LRRTM4: variants seen among roughly 807,000 people sequenced by gnomAD.
LRRTM4 encodes leucine-rich repeat transmembrane neuronal protein 4.
LRRTM4 carries 25 observed loss-of-function variants against 47.6 expected under a neutral mutation model. The observed-to-expected ratio is 0.53, with a 90% CI of 0.38 to 0.73. LRRTM4 has a LOEUF of 0.73. LRRTM4 is among the 30% of genes least tolerant of loss of function. The pLI is 0.00. For synonymous variants in LRRTM4, 311 were observed against 269.5 expected (o/e 1.15, Z -1.51); for missense variants, 638 against 713.4 (o/e 0.89, Z 1.20).
At chr2:76,824,330 A>C (rs1300761394) in intron 3 of LRRTM4, among the ~76,000 whole-genome samples, 3 of 151,586 alleles carry the variant, frequency 2.0e-5, no homozygotes, top group Non-Finnish European at 3.0e-5. Flanking sequence ...TCATAAATGC[A>C]TGAATGGAAT....
chr2:76,792,216 C>T (rs1334201550), intron 3 of LRRTM4, among the ~76,000 whole-genome samples: 1 of 151,968 alleles, frequency 6.6e-6, no homozygotes, highest in Non-Finnish European at 1.5e-5. Flanking sequence ...AATTATGTTT[C>T]AGAATTTAAA....
chr2:77,131,302 C>A (rs947635634), intron 3 of LRRTM4, among the ~76,000 whole-genome samples: 1 of 152,238 alleles, frequency 6.6e-6, no homozygotes, highest in East Asian at 1.9e-4. Flanking sequence ...AGACGAGAGA[C>A]TAAACAAAGG....
At chr2:77,171,966 G>A (rs756655366) in intron 3 of LRRTM4, among the ~76,000 whole-genome samples, 2 of 152,108 alleles carry the variant, frequency 1.3e-5, no homozygotes, top group Non-Finnish European at 2.9e-5. Context: ...TGAATCATAT[G>A]TACTCACATA....
intron 3 of LRRTM4, among the ~76,000 whole-genome samples, chr2:76,934,321 A>T (rs1674869231): frequency 6.6e-6 from 1 of 152,206 alleles, no homozygotes; most frequent in South Asian, 2.1e-4. Context: ...GACATGGAGT[A>T]ACTGTGTTAA....
intron 3 of LRRTM4, among the ~76,000 whole-genome samples, chr2:77,174,595 G>T (rs1673140154): frequency 6.6e-6 from 1 of 152,102 alleles, no homozygotes; most frequent in Non-Finnish European, 1.5e-5. Context: ...CTGCTGGAGG[G>T]CCCTTTAAGA....
Position 77,398,458 on chromosome 2 carries a change from T to C in LRRTM4, c.1551+119860A>G, listed in dbSNP as rs1008560761. On this transcript the variant is annotated intron_variant, in intron 3 of 3. Transcript: ENST00000409884. ...CACATACTTTTTTTTCAGATAAATA[T>C]ATGAATATCTACAATATAGGAGACA... Among the ~76,000 whole-genome samples the C allele has an allele frequency of 2.6e-5, 4 of 151,786 alleles. No homozygotes were observed. The South Asian group carries it at 6.2e-4, about 24-fold the overall frequency.
chr2:76,863,071 C>T (rs115448800), intron 3 of LRRTM4, among the ~76,000 whole-genome samples: 1,600 of 152,280 alleles, frequency 0.011, 26 homozygotes, highest in African/African-American at 0.037. Flanking sequence ...ACACGTCTGA[C>T]ATTGAAGACA....
chr2:77,447,875 A>C (rs1005648855), intron 3 of LRRTM4, among the ~76,000 whole-genome samples: 1 of 152,120 alleles, frequency 6.6e-6, no homozygotes, highest in Non-Finnish European at 1.5e-5. Context: ...GATTTAGCTC[A>C]CTGTTTCCAC....
At chr2:77,188,650 T>C (rs1257822318) in intron 3 of LRRTM4, among the ~76,000 whole-genome samples, 2 of 152,166 alleles carry the variant, frequency 1.3e-5, no homozygotes, top group African/African-American at 2.4e-5. Context: ...ACTTGAAGGA[T>C]GGCCCCCATC....
intron 3 of LRRTM4, among the ~76,000 whole-genome samples, chr2:76,876,589 A>C (rs1474052666): frequency 6.6e-6 from 1 of 152,006 alleles, no homozygotes; most frequent in Admixed American, 6.6e-5. Flanking sequence ...CCTTGGGTCT[A>C]TTTTGTTAAC....
intron 3 of LRRTM4, among the ~76,000 whole-genome samples, chr2:76,959,517 G>C (rs1675782544): frequency 6.6e-6 from 1 of 151,474 alleles, no homozygotes; most frequent in African/African-American, 2.4e-5. Flanking sequence ...TGTTCCATTA[G>C]ACATTCCTGT....
intron 3 of LRRTM4, among the ~76,000 whole-genome samples, chr2:77,050,953 C>G (rs1679411877): frequency 1.3e-5 from 2 of 151,952 alleles, no homozygotes; most frequent in Admixed American, 6.6e-5. Context: ...CTTATATTCT[C>G]AGATGATTTT....
At chr2:77,142,438 C>A (rs202125614) in intron 3 of LRRTM4, among the ~76,000 whole-genome samples, 1 of 144,520 alleles carries the variant, frequency 6.9e-6, no homozygotes, top group African/African-American at 2.7e-5. Flanking sequence ...CATACACACA[C>A]ACACACACAC....
chr2:77,384,048 A>G (rs946808202), intron 3 of LRRTM4, among the ~76,000 whole-genome samples: 2 of 152,062 alleles, frequency 1.3e-5, no homozygotes, highest in African/African-American at 4.8e-5. Context: ...CACTCTTAAT[A>G]TTTGCCTTTT....
intron 3 of LRRTM4, among the ~76,000 whole-genome samples, chr2:77,026,877 T>C (rs993751015): frequency 6.6e-6 from 1 of 152,114 alleles, no homozygotes; most frequent in South Asian, 2.1e-4. Flanking sequence ...ATTAAATGTG[T>C]CTATGAATAT....
At chr2:76,923,351 G>T (rs1254057149) in intron 3 of LRRTM4, among the ~76,000 whole-genome samples, 1 of 151,684 alleles carries the variant, frequency 6.6e-6, no homozygotes, top group Non-Finnish European at 1.5e-5. Flanking sequence ...TTTGTGAGCT[G>T]GTTGTTAAAC....
chr2:77,205,157 A>G (rs1674086890), intron 3 of LRRTM4, among the ~76,000 whole-genome samples: 1 of 152,220 alleles, frequency 6.6e-6, no homozygotes, highest in Admixed American at 6.5e-5. Context: ...TTATATGAAG[A>G]TATTTGAGTA....
At chr2:77,024,992 T>G (rs1249340725) in intron 3 of LRRTM4, among the ~76,000 whole-genome samples, 2 of 152,198 alleles carry the variant, frequency 1.3e-5, no homozygotes, top group Non-Finnish European at 2.9e-5. Context: ...AGAATCTTGA[T>G]CTATATTTTT....
chr2:77,385,034 G>A (rs919140955), intron 3 of LRRTM4, among the ~76,000 whole-genome samples: 1 of 152,032 alleles, frequency 6.6e-6, no homozygotes, highest in Non-Finnish European at 1.5e-5. Flanking sequence ...AGCTAAAAAT[G>A]TGCAAAAAGA....
Sources: gnomAD v4.1 joint callset for allele counts (sites outside exome capture counted in the v4.1 genomes callset) on GRCh38, gnomAD v4.1.1 for gene constraint, MANE v1.5 for transcripts, NCBI Gene and HGNC (gene_info 2026-07-23, HGNC 2026-07-21) for gene names.